The following SCN9A variants were observed in gnomAD, a reference collection of about 807,000 sequenced individuals.
SCN9A encodes the protein sodium voltage-gated channel alpha subunit 9, also known as sodium channel protein type 9 subunit alpha.
SCN9A carries 131 observed loss-of-function variants against 187.0 expected under a neutral mutation model. The observed-to-expected ratio is 0.70, with a 90% CI of 0.61 to 0.81. The LOEUF (loss-of-function observed/expected upper bound fraction) is 0.81, where lower values mean the gene tolerates loss of function less well. Among genes scored for constraint, SCN9A ranks in the 30% least tolerant of loss-of-function variants. SCN9A has a pLI of 0.00. For missense variants in SCN9A, 2,252 were observed against 2,396.6 expected, an observed-to-expected ratio of 0.94 and a Z score of 1.26; for synonymous variants, 809 against 808.6, an observed-to-expected ratio of 1.00 and a Z score of -0.01.
At chr2:166,235,490 C>T (rs946645013) in intron 20 of SCN9A, among the ~76,000 whole-genome samples, 2 of 152,094 alleles carry the variant, frequency 1.3e-5, no homozygotes, top group African/African-American at 4.8e-5. Flanking sequence ...GAATATACAA[C>T]AGAATCATCT....
At chr2:166,299,210 T>A (rs1698452319) in intron 7 of SCN9A, among the ~76,000 whole-genome samples, 1 of 143,648 alleles carries the variant, frequency 7.0e-6, no homozygotes, top group African/African-American at 3.0e-5. Flanking sequence ...ACCCATATAT[T>A]TTTTTAAATG....
At chr2:166,373,348 G>A (rs1700610668) in intron 1 of SCN9A, among the ~76,000 whole-genome samples, 2 of 143,476 alleles carry the variant, frequency 1.4e-5, no homozygotes, top group Admixed American at 7.1e-5. Context: ...GTGAGCCAAT[G>A]TTTGTTAGGG....
chr2:166,330,664 G>C (rs527408032), intron 1 of SCN9A, among the ~76,000 whole-genome samples: 1 of 152,088 alleles, frequency 6.6e-6, no homozygotes, highest in Non-Finnish European at 1.5e-5. Context: ...GTAGGTTTTG[G>C]GACGAAACTA....
At chr2:166,234,035 T>C (rs1255224842) in intron 20 of SCN9A, among the ~76,000 whole-genome samples, 3 of 152,124 alleles carry the variant, frequency 2.0e-5, no homozygotes, top group African/African-American at 7.2e-5. Flanking sequence ...AAAATCACAA[T>C]TGTACTGAAG....
In SCN9A at chr2:166,362,799, A is replaced by T. The variant is rs184798240; in HGVS notation, c.-51+12898T>A. ...TTGGATTCTGAGATAAAGCAAGTGC[A>T]TAGGCAAAAACGGTTCACAACAATT... On this transcript the variant is annotated intron_variant, in intron 1 of 26. Coordinates refer to ENST00000642356, the MANE Select transcript of SCN9A (RefSeq NM_001365536.1). 2.9e-3 allele frequency among the ~76,000 whole-genome samples: 446 copies of T among 152,032 alleles called. 2 individuals carry two copies. Among genetic ancestry groups the T allele is most frequent in the African/African-American group, 9.9e-3 (411 of 41,574 alleles).
chr2:166,228,247 CTTTTTTTTTT>C (rs33924683), intron 22 of SCN9A, among the ~76,000 whole-genome samples: 10 of 85,972 alleles, frequency 1.2e-4, no homozygotes, highest in African/African-American at 2.7e-4. Context: ...AAGACCAACA[CTTTTTTTTTT>C]TTTTTTTTTT....
Position 166,272,706 on chromosome 2 carries a change from G to T in SCN9A, c.3044C>A (p.Ser1015Tyr). 1.3e-6 allele frequency: 2 copies of T among 1,595,994 alleles called. No homozygotes were observed. The highest frequency in any genetic ancestry group is 1.7e-6 in the Non-Finnish European group (2 of 1,171,820). The change falls in exon 17 of 27, where the codon TCC (serine) becomes TAC (tyrosine). Residue 1015 changes from serine (S) to tyrosine (Y), a missense_variant. This residue lies in a region of SCN9A where 313 missense variants were observed against 295.3 expected (regional missense o/e 1.06). Coordinates refer to ENST00000642356, the MANE Select transcript of SCN9A (RefSeq NM_001365536.1). ...TLREFILKAF[S>Y]KKPKISREIR... ...CTCCCTGGAAATCTTTGGCTTTTTG[G>T]AAAATGCTTTTAGAATAAATTCACG...
intron 17 of SCN9A, among the ~76,000 whole-genome samples, chr2:166,266,144 A>G (rs1483858203): frequency 6.6e-6 from 1 of 151,882 alleles, no homozygotes; most frequent in East Asian, 1.9e-4. Context: ...TGCCTAGAAC[A>G]ACATCATGAA....
At chr2:166,333,471 C>A (rs1487463387) in intron 1 of SCN9A, among the ~76,000 whole-genome samples, 2 of 152,044 alleles carry the variant, frequency 1.3e-5, no homozygotes, top group Admixed American at 6.6e-5. Context: ...CTCCATTCAA[C>A]ATTCATTAAT....
chr2:166,346,296 G>A (rs756846139), intron 1 of SCN9A, among the ~76,000 whole-genome samples: 35 of 152,142 alleles, frequency 2.3e-4, no homozygotes, highest in Admixed American at 4.6e-4. Context: ...AAATGCAATA[G>A]CAAAGATCAT....
chr2:166,286,473 A>G lies in SCN9A; in HGVS notation c.1465T>C (p.Ser489Pro), dbSNP rs1697749010. 6.2e-7 allele frequency: 1 copy of G among 1,613,730 alleles called. No homozygotes were observed. The highest frequency in any genetic ancestry group is 1.3e-5 in the African/African-American group (1 of 74,998). ...GCATCTCCCTTTTCCTCTCCACTGG[A>G]GAGCTTCTTTTGATTCTTTTTCTTT... ...RRKKKNQKKL[S>P]SGEEKGDAEK... Residue 489 changes from serine to proline, a missense_variant, in exon 11 of 27, where the codon TCC (serine) becomes CCC (proline). Physicochemically the swap from Ser to Pro is moderately conservative, Grantham distance 74. Around this residue, in one of 7 missense-constraint regions of SCN9A, gnomAD observed 1,013 missense variants for 997.4 expected, o/e 1.02. Transcript: ENST00000642356.
At chr2:166,307,923 G>T (rs1274912727) in intron 2 of SCN9A, among the ~76,000 whole-genome samples, 2 of 152,186 alleles carry the variant, frequency 1.3e-5, no homozygotes, top group Non-Finnish European at 2.9e-5. Context: ...TGTGTTAGCT[G>T]AAAGACACTG....
intron 1 of SCN9A, chr2:166,321,602 G>A (rs553520048): frequency 5.9e-5 from 9 of 151,418 alleles, no homozygotes; most frequent in African/African-American, 1.9e-4. Context: ...TTCAATTAAA[G>A]AAAGAAGAGT....
intron 1 of SCN9A, among the ~76,000 whole-genome samples, chr2:166,346,257 T>C (rs1269923921): frequency 6.6e-6 from 1 of 152,172 alleles, no homozygotes; most frequent in Admixed American, 6.5e-5. Context: ...CACAAAAGTC[T>C]TCTCATTATT....
chr2:166,289,716 G>A (rs1458842920), intron 9 of SCN9A, among the ~76,000 whole-genome samples: 1 of 151,936 alleles, frequency 6.6e-6, no homozygotes, highest in African/African-American at 2.4e-5. Context: ...GGATTGCTGG[G>A]TCACTGTCTT....
chr2:166,238,344 C>A (rs564422039), intron 19 of SCN9A, 77 bp from the exon 20 acceptor site: 2 of 961,804 alleles, frequency 2.1e-6, no homozygotes, highest in Non-Finnish European at 3.1e-6. Context: ...AGGAAAAATA[C>A]AATTCTAATG....
chr2:166,278,154 G>T lies in SCN9A; in HGVS notation c.2503C>A (p.Arg835=). Residue 835 remains arginine, a synonymous_variant, in exon 15 of 27, where the codon CGA becomes AGA. Coordinates refer to ENST00000642356, the MANE Select transcript of SCN9A (RefSeq NM_001365536.1). The part of the protein sequence containing the change: ...LADVEGLSVL[R]SFRLLRVFKL... ...TTTATGTTTACCAGTCTGAATGATC[G>T]CAGAACTGACAATCCTTCCACATCT... 1 of 1,611,964 alleles carries T rather than the reference G, an allele frequency of 6.2e-7. No homozygotes were observed. The highest frequency in any genetic ancestry group is 8.5e-7 in the Non-Finnish European group (1 of 1,179,116).
intron 24 of SCN9A, among the ~76,000 whole-genome samples, chr2:166,206,049 C>CT (rs1178835441): frequency 6.6e-6 from 1 of 152,130 alleles, no homozygotes; most frequent in Non-Finnish European, 1.5e-5. Context: ...AATAGCAACG[C>CT]TTTTACACTG....
chr2:166,225,761 G>C (rs1023137246), intron 24 of SCN9A, among the ~76,000 whole-genome samples: 84 of 152,258 alleles, frequency 5.5e-4, no homozygotes, highest in African/African-American at 1.9e-3. Flanking sequence ...ACTAGTAGAG[G>C]AGAAAGACAC....
Sources: gnomAD v4.1 joint callset for allele counts (sites outside exome capture counted in the v4.1 genomes callset) on GRCh38, gnomAD v4.1.1 for gene constraint, gnomAD v4.1.1 regional missense constraint, MANE v1.5 for transcripts, NCBI Gene and HGNC (gene_info 2026-07-23, HGNC 2026-07-21) for gene names.